KLHL31: variants seen among roughly 807,000 people sequenced by gnomAD.
The protein encoded by KLHL31 is kelch like family member 31.
A neutral mutation model predicts 47.1 loss-of-function variants in KLHL31; 32 were observed. That is an observed-to-expected ratio of 0.68 (90% CI 0.51 to 0.91). The LOEUF (loss-of-function observed/expected upper bound fraction) is 0.91. Ranked by LOEUF, KLHL31 falls within the 40% of genes least tolerant of loss-of-function variation. KLHL31 has a pLI of 0.00. For missense variants in KLHL31, 797 were observed against 819.3 expected (o/e 0.97, Z 0.33); for synonymous variants, 330 against 325.1 (o/e 1.01, Z -0.16).
At position 53,652,237 on chromosome 6, in the gene KLHL31, G is replaced by A. The variant is rs3823111; in HGVS notation, c.1266C>T (p.Tyr422=). The part of the protein sequence containing the change: ...FSLSVFNGLV[Y]AAGGRNAEGS... ...CTTCTGCGTTGCGGCCGCCCGCGGC[G>A]TACACGAGCCCGTTGAACACGCTCA... The change falls in exon 3 of 3, where the codon TAC becomes TAT. Residue 422 remains tyrosine, a synonymous_variant. Coordinates refer to ENST00000370905, the MANE Select transcript of KLHL31 (RefSeq NM_001003760.5). The A allele has an allele frequency of 0.081, 131,166 of 1,613,874 alleles. 6,145 individuals carry two copies. The highest frequency in any genetic ancestry group is 0.2 in the East Asian group (9,170 of 44,868).
At chr6:53,664,932 G>T (rs966784627) in intron 1 of KLHL31, among the ~76,000 whole-genome samples, 2 of 152,092 alleles carry the variant, frequency 1.3e-5, no homozygotes, top group African/African-American at 4.8e-5. Flanking sequence ...GTGTAGGGGG[G>T]TGGTTTCCAC....
At chr6:53,662,281 G>A (rs1163212358) in intron 1 of KLHL31, among the ~76,000 whole-genome samples, 1 of 152,156 alleles carries the variant, frequency 6.6e-6, no homozygotes, top group Non-Finnish European at 1.5e-5. Context: ...TACCTTTTGG[G>A]ATCAAAGGAA....
chr6:53,655,041 C>G lies in KLHL31; in HGVS notation c.232G>C (p.Gly78Arg). 1 of 1,614,104 alleles carries G rather than the reference C, an allele frequency of 6.2e-7. No individual in the cohort carries two copies. The highest frequency in any genetic ancestry group is 2.2e-5 in the East Asian group (1 of 44,876). The change falls in exon 2 of 3, where the codon GGT (glycine) becomes CGT (arginine). Residue 78 changes from glycine (G) to arginine (R), a missense_variant. Coordinates refer to ENST00000370905, the MANE Select transcript of KLHL31 (RefSeq NM_001003760.5). ...ACATCAAAGGATTTGGTTTTGGTACCAATGACTAAGTCACATAGGAAGTTC... is the reference window on the plus strand; with the variant it reads ...ACATCAAAGGATTTGGTTTTGGTACGAATGACTAAGTCACATAGGAAGTTC... ...QENFLCDLVI[G>R]TKTKSFDVHK...
Position 53,656,523 on chromosome 6 carries a change from G to C in KLHL31, c.-33-1218C>G, listed in dbSNP as rs550180578. ...GTGTATGTGTGTGTAGATATATACA[G>C]TATATATGTGTGTGCATATTTATAT... On this transcript the variant is annotated intron_variant, in intron 1 of 2. Transcript: ENST00000370905. Among the ~76,000 whole-genome samples the C allele has an allele frequency of 2.3e-3, 349 of 152,142 alleles. 3 individuals carry two copies. The highest frequency in any genetic ancestry group is 8.1e-3 in the African/African-American group (337 of 41,540).
rs771432316 is a variant in KLHL31, at chr6:53,652,087, T to G, written c.1416A>C (p.Gly472=). 1 of 1,599,066 alleles carries G rather than the reference T, an allele frequency of 6.3e-7. No homozygotes were observed. Among genetic ancestry groups the G allele is most frequent in the Non-Finnish European group, 8.5e-7 (1 of 1,177,798 alleles). The change falls in exon 3 of 3, where the codon GGA becomes GGC. Residue 472 remains glycine, a synonymous_variant. Transcript: ENST00000370905. The part of the protein sequence containing the change: ...AVADGRVLVT[G]GYIANAYSRS... ...GCGAGTAGGCGTTGGCTATGTAGCCTCCGGTCACCAGCACGCGGCCGTCGG... is the reference window on the plus strand; with the variant it reads ...GCGAGTAGGCGTTGGCTATGTAGCCGCCGGTCACCAGCACGCGGCCGTCGG...
At chr6:53,653,235 A>T (rs1355456575) in intron 2 of KLHL31, among the ~76,000 whole-genome samples, 1 of 152,232 alleles carries the variant, frequency 6.6e-6, no homozygotes, top group Non-Finnish European at 1.5e-5. Context: ...TCTTTGTCCC[A>T]TTTAACTCCC....
chr6:53,650,145 T>C lies in KLHL31; in HGVS notation c.*1453A>G, dbSNP rs1764444314. 1 of 152,250 alleles carries C rather than the reference T, an allele frequency of 6.6e-6. No individual in the cohort carries two copies. Among genetic ancestry groups the C allele is most frequent in the Non-Finnish European group, 1.5e-5 (1 of 68,038 alleles). The allele number at this position is 152,250 out of a possible 1,614,324, so 9.4% of individuals were successfully genotyped here. ...AATTATATTTCCATATATCTCATGT[T>C]CAATTCCTAAATAGCTTGTTTTATT... On this transcript the variant is annotated 3_prime_UTR_variant, in exon 3 of 3. Coordinates refer to ENST00000370905, the MANE Select transcript of KLHL31 (RefSeq NM_001003760.5).
chr6:53,652,617 T>C (rs1261670505), intron 2 of KLHL31, among the ~76,000 whole-genome samples: 6 of 152,168 alleles, frequency 3.9e-5, no homozygotes, highest in African/African-American at 1.4e-4. Flanking sequence ...CCACAGAGAC[T>C]GAGCTTTCAG....
chr6:53,664,556 A>C (rs1232843964), intron 1 of KLHL31, among the ~76,000 whole-genome samples: 4 of 152,188 alleles, frequency 2.6e-5, no homozygotes, highest in Non-Finnish European at 1.5e-5. Flanking sequence ...AAAGTATTGC[A>C]CTTAAATTCT....
chr6:53,662,135 T>C (rs1204791079), intron 1 of KLHL31, among the ~76,000 whole-genome samples: 1 of 151,938 alleles, frequency 6.6e-6, no homozygotes, highest in Non-Finnish European at 1.5e-5. Flanking sequence ...TTGACTCAGG[T>C]TATGGTCTGC....
Position 53,651,823 on chromosome 6 carries a change from G to C in KLHL31, c.1680C>G (p.Val560=), listed in dbSNP as rs1274069755. ...PLQVGVSTAG[V]SALHGRAYLV... is the part of the protein sequence containing the mutation. The stretch of plus-strand genomic sequence containing the variant: ...GGTAGGCGCGGCCATGCAGCGCCGA[G>C]ACGCCCGCAGTGCTCACTCCCACCT... The change falls in exon 3 of 3, where the codon GTC becomes GTG. Residue 560 remains valine (V), a synonymous_variant. Transcript: ENST00000370905. 4 of 1,610,906 alleles carry C rather than the reference G, an allele frequency of 2.5e-6. No individual in the cohort carries two copies. The highest frequency in any genetic ancestry group is 3.4e-6 in the Non-Finnish European group (4 of 1,179,826).
chr6:53,652,606 C>T (rs1470953167), intron 2 of KLHL31, among the ~76,000 whole-genome samples: 1 of 152,152 alleles, frequency 6.6e-6, no homozygotes, highest in African/African-American at 2.4e-5. Context: ...TGGAGAAGAG[C>T]CCACAGAGAC....
intron 1 of KLHL31, among the ~76,000 whole-genome samples, chr6:53,664,118 C>G (rs1457164906): frequency 6.6e-6 from 1 of 152,174 alleles, no homozygotes; most frequent in African/African-American, 2.4e-5. Context: ...GGTTTCTTTA[C>G]ATGGGATCTA....
At chr6:53,657,471 A>G (rs1462735329) in intron 1 of KLHL31, among the ~76,000 whole-genome samples, 6 of 152,342 alleles carry the variant, frequency 3.9e-5, no homozygotes, top group African/African-American at 1.4e-4. Context: ...TTTCTATAGC[A>G]GTACATGTAT....
intron 1 of KLHL31, among the ~76,000 whole-genome samples, chr6:53,663,461 A>C (rs1204778684): frequency 6.6e-6 from 1 of 152,260 alleles, no homozygotes; most frequent in African/African-American, 2.4e-5. Context: ...AGCCAAATAA[A>C]TAGGGACAAG....
intron 1 of KLHL31, among the ~76,000 whole-genome samples, chr6:53,657,609 T>TG (rs1386084661): frequency 8.9e-5 from 11 of 124,034 alleles, no homozygotes; most frequent in South Asian, 5.8e-4. Flanking sequence ...TTGTTTTTGT[T>TG]TTGTGTGTGT....
At position 53,655,146 on chromosome 6, in the gene KLHL31, G is replaced by C; in HGVS notation, c.127C>G (p.Leu43Val). 6.2e-7 allele frequency: 1 copy of C among 1,614,176 alleles called. No individual in the cohort carries two copies. Among genetic ancestry groups the C allele is most frequent in the South Asian group, 1.1e-5 (1 of 91,076 alleles). ...GTTAGTTCAGAAGAAATGCAGCTAA[G>C]GCCATTGCCTCCCTCTAGGAGCCCA... is the stretch of plus-strand genomic sequence containing the variant. ...LNGLLEGGNG[L>V]SCISSELTDA... is the part of the protein sequence containing the mutation. The change falls in exon 2 of 3, where the codon CTT becomes GTT. Residue 43 changes from leucine to valine, a missense_variant. Coordinates refer to ENST00000370905, the MANE Select transcript of KLHL31 (RefSeq NM_001003760.5).
intron 1 of KLHL31, among the ~76,000 whole-genome samples, chr6:53,663,681 A>G (rs1764679383): frequency 6.6e-6 from 1 of 152,258 alleles, no homozygotes; most frequent in African/African-American, 2.4e-5. Context: ...AAGGCTGTAT[A>G]TAGGACACAA....
At chr6:53,663,457 A>G (rs1481802212) in intron 1 of KLHL31, among the ~76,000 whole-genome samples, 1 of 152,250 alleles carries the variant, frequency 6.6e-6, no homozygotes, top group Non-Finnish European at 1.5e-5. Flanking sequence ...GGTAAGCCAA[A>G]TAAATAGGGA....
Sources: gnomAD v4.1 joint callset for allele counts (sites outside exome capture counted in the v4.1 genomes callset) on GRCh38, gnomAD v4.1.1 for gene constraint, MANE v1.5 for transcripts, NCBI Gene and HGNC (gene_info 2026-07-23, HGNC 2026-07-21) for gene names.